SDK1: variants seen among roughly 807,000 people sequenced by gnomAD.
The protein encoded by SDK1 is sidekick cell adhesion molecule 1.
SDK1 carries 157 observed loss-of-function variants against 245.5 expected under a neutral mutation model. The ratio of observed to expected loss-of-function variants is 0.64; its 90% CI spans 0.56 to 0.73. The LOEUF (loss-of-function observed/expected upper bound fraction) is 0.73, where lower values mean the gene tolerates loss of function less well. Ranked by LOEUF, SDK1 falls within the 30% of genes least tolerant of loss-of-function variation. SDK1 has a pLI of 0.00. For missense variants in SDK1, 3,583 were observed against 3,002.3 expected (o/e 1.19, Z -4.52); for synonymous variants, 1,647 against 1,278.5 (o/e 1.29, Z -6.15).
chr7:3,449,894 A>G (rs1780459113), intron 1 of SDK1, among the ~76,000 whole-genome samples: 1 of 152,170 alleles, frequency 6.6e-6, no homozygotes, highest in African/African-American at 2.4e-5. Flanking sequence ...ATCATTGCAG[A>G]ACTGTTTATT....
At chr7:3,521,014 A>T (rs1042992592) in intron 1 of SDK1, among the ~76,000 whole-genome samples, 1 of 152,146 alleles carries the variant, frequency 6.6e-6, no homozygotes, top group East Asian at 1.9e-4. Context: ...AGGGCTGTCT[A>T]TGTTCCTTTC....
chr7:3,525,973 C>G (rs1033675431), intron 1 of SDK1, among the ~76,000 whole-genome samples: 7 of 152,152 alleles, frequency 4.6e-5, no homozygotes, highest in Non-Finnish European at 8.8e-5. Context: ...GTGGCTCACA[C>G]CTGTAATCTT....
intron 4 of SDK1, among the ~76,000 whole-genome samples, chr7:3,650,825 G>GTT (rs55674495): frequency 1.4e-4 from 20 of 143,966 alleles, no homozygotes; most frequent in South Asian, 2.2e-4. Flanking sequence ...GTGGGGATTG[G>GTT]TTTTTTTTTT....
At chr7:3,644,213 G>C (rs543030833) in intron 4 of SDK1, among the ~76,000 whole-genome samples, 1 of 145,442 alleles carries the variant, frequency 6.9e-6, no homozygotes, top group African/African-American at 2.5e-5. Context: ...TTTCACAAAT[G>C]TTTCTATTTT....
chr7:4,202,836 C>T (rs765060499), intron 35 of SDK1, among the ~76,000 whole-genome samples: 3 of 152,204 alleles, frequency 2.0e-5, no homozygotes, highest in Non-Finnish European at 4.4e-5. Flanking sequence ...GGTTCCTAAA[C>T]CCTGAGGTGA....
chr7:3,535,423 C>A (rs1477476928), intron 1 of SDK1, among the ~76,000 whole-genome samples: 3 of 152,124 alleles, frequency 2.0e-5, no homozygotes, highest in African/African-American at 7.2e-5. Flanking sequence ...ATCCCTAATG[C>A]CAACAACATC....
intron 1 of SDK1, among the ~76,000 whole-genome samples, chr7:3,387,505 A>G (rs982950726): frequency 6.6e-6 from 1 of 152,234 alleles, no homozygotes; most frequent in Non-Finnish European, 1.5e-5. Context: ...TGACACTTCC[A>G]ACATCATGTA....
Position 4,026,602 on chromosome 7 carries a change from A to C in SDK1, c.2602+9250A>C, listed in dbSNP as rs1259950221. 2.0e-5 allele frequency among the ~76,000 whole-genome samples: 3 copies of C among 152,318 alleles called. No individual in the cohort carries two copies. The East Asian group carries it at 5.8e-4, about 29-fold the overall frequency. On this transcript the variant is annotated intron_variant, in intron 17 of 44. Transcript: ENST00000404826. The surrounding 1 kb of genome is among the most constrained non-coding windows in gnomAD (Gnocchi z 4.1). ...ATTTGGAAAAAAAAATAAGTTCAGAAAGGAACACACAAAACTTTTTAAGTG... is the reference window on the plus strand; with the variant it reads ...ATTTGGAAAAAAAAATAAGTTCAGACAGGAACACACAAAACTTTTTAAGTG...
chr7:3,856,690 C>CTG (rs1320364758), intron 5 of SDK1, among the ~76,000 whole-genome samples: 1 of 151,974 alleles, frequency 6.6e-6, no homozygotes, highest in African/African-American at 2.4e-5. Context: ...AGTCAGGAGG[C>CTG]TGAGGCAGGA....
chr7:4,111,283 T>G (rs531015844), intron 23 of SDK1, among the ~76,000 whole-genome samples: 18 of 152,314 alleles, frequency 1.2e-4, no homozygotes, highest in African/African-American at 4.1e-4. Context: ...ATCCTTGGCT[T>G]TAACAAAGGG....
intron 1 of SDK1, among the ~76,000 whole-genome samples, chr7:3,611,606 C>T (rs1388512772): frequency 1.3e-5 from 2 of 152,110 alleles, no homozygotes; most frequent in Non-Finnish European, 2.9e-5. Flanking sequence ...ACTTTCAGTT[C>T]TTTAGGGAAT....
intron 5 of SDK1, among the ~76,000 whole-genome samples, chr7:3,822,221 T>C (rs1319961324): frequency 2.0e-5 from 3 of 152,222 alleles, no homozygotes; most frequent in Admixed American, 6.5e-5. Flanking sequence ...AAGCAGGAAC[T>C]CTGAACTAAT....
At position 4,267,346 on chromosome 7, in the gene SDK1, C is replaced by T. The variant is rs1341127177; in HGVS notation, c.*1962C>T. 1 of 979,760 alleles carries T rather than the reference C, an allele frequency of 1.0e-6. No individual in the cohort carries two copies. The highest frequency in any genetic ancestry group is 1.2e-6 in the Non-Finnish European group (1 of 825,982). 60.7% of individuals were successfully genotyped at this position (979,760 alleles called of 1,614,324 possible). On this transcript the variant is annotated 3_prime_UTR_variant, in exon 45 of 45. Transcript: ENST00000404826. ...TTCCTCTCTCCCCTATTCCTTCTTC[C>T]TTTTCTCCTCCTTTTTCTGAGTGGA...
chr7:3,664,232 G>A (rs948410925), intron 4 of SDK1, among the ~76,000 whole-genome samples: 10 of 152,030 alleles, frequency 6.6e-5, no homozygotes, highest in East Asian at 1.9e-4. Flanking sequence ...AGAGGTGTGC[G>A]GAGGAGCTCC....
intron 1 of SDK1, among the ~76,000 whole-genome samples, chr7:3,590,455 C>T (rs1221035813): frequency 6.6e-6 from 1 of 152,074 alleles, no homozygotes; most frequent in East Asian, 1.9e-4. Context: ...TAATGACAAA[C>T]TATACCAACA....
At chr7:4,174,606 G>C (rs901978936) in intron 33 of SDK1, among the ~76,000 whole-genome samples, 2 of 152,172 alleles carry the variant, frequency 1.3e-5, no homozygotes, top group African/African-American at 4.8e-5. Context: ...GGGGAGAGCA[G>C]TTGCCAGGCC....
At chr7:4,263,344 G>A (rs1788172752) in intron 44 of SDK1, among the ~76,000 whole-genome samples, 1 of 151,144 alleles carries the variant, frequency 6.6e-6, no homozygotes, top group South Asian at 2.1e-4. Flanking sequence ...AGAGTCCCCT[G>A]GGGCCTGTGT....
intron 4 of SDK1, among the ~76,000 whole-genome samples, chr7:3,660,409 TAAATA>T (rs1783315261): frequency 6.7e-6 from 1 of 149,538 alleles, no homozygotes; most frequent in South Asian, 2.1e-4. Flanking sequence ...AGCAAACACA[TAAATA>T]AAGTAAGAGA....
intron 5 of SDK1, among the ~76,000 whole-genome samples, chr7:3,946,486 T>C (rs1780584626): frequency 6.6e-6 from 1 of 152,140 alleles, no homozygotes; most frequent in African/African-American, 2.4e-5. Context: ...GCTAATTTTT[T>C]TTTTTTCTTG....
Sources: allele counts gnomAD v4.1 joint callset (sites outside exome capture counted in the v4.1 genomes callset), GRCh38; gene constraint gnomAD v4.1.1; non-coding constraint Gnocchi (gnomAD v3.1); transcripts MANE v1.5; gene names NCBI Gene and HGNC (gene_info 2026-07-23, HGNC 2026-07-21).